The following PDZD4 variants were observed in gnomAD, a reference collection of about 807,000 sequenced individuals.
PDZD4 encodes the protein PDZ domain containing 4, also known as PDZ domain-containing protein 4.
Under a neutral mutation model 38.5 loss-of-function variants are expected in PDZD4, and 9 were observed. The observed-to-expected ratio is 0.23, with a 90% confidence interval of 0.14 to 0.41. The LOEUF (loss-of-function observed/expected upper bound fraction) is 0.41, where lower values mean the gene tolerates loss of function less well. Among genes scored for constraint, PDZD4 ranks in the 10% least tolerant of loss-of-function variants. PDZD4 has a pLI of 1.00. For missense variants in PDZD4, 612 were observed against 722.0 expected, an observed-to-expected ratio of 0.85 and a Z score of 1.75; for synonymous variants, 349 against 315.7, an observed-to-expected ratio of 1.11 and a Z score of -1.12.
rs1167788921 is a variant in PDZD4, at chrX:153,805,202, C to T, written c.675G>A (p.Ala225=). Residue 225 remains alanine, a synonymous_variant, in exon 7 of 8, where the codon GCG becomes GCA. Transcript: ENST00000393758. The part of the protein sequence containing the change: ...LLVARPESQL[A]KRWKDSDRDD... ...CCCGGTCGCTGTCCTTCCACCTTTT[C>T]GCCAGCTGTGGAGACAGGCCCTGGT... 17 of 1,207,333 alleles carry T rather than the reference C, an allele frequency of 1.4e-5. No homozygotes were observed. The highest frequency in any genetic ancestry group is 8.9e-5 in the East Asian group (3 of 33,762).
chrX:153,803,993 T>G lies in PDZD4; in HGVS notation c.1688A>C (p.Glu563Ala), dbSNP rs1557075690. The change falls in exon 8 of 8, where the codon GAG becomes GCG. Residue 563 changes from glutamate to alanine, a missense_variant. Coordinates refer to ENST00000393758, the MANE Select transcript of PDZD4 (RefSeq NM_001303512.2). Reference protein sequence around the residue: ...RRNPKTGLTLERVGPESSPYL... With the variant: ...RRNPKTGLTLARVGPESSPYL... ...AGGGCTGCTTTCAGGGCCCACACGC[T>G]CCAGGGTCAACCCCGTCTTGGGGTT... The G allele has an allele frequency of 8.6e-7, 1 of 1,159,977 alleles. No homozygotes were observed.
intron 1 of PDZD4, among the ~76,000 whole-genome samples, chrX:153,829,124 G>T (rs1330732539): frequency 9.0e-6 from 1 of 111,253 alleles, no homozygotes; most frequent in Non-Finnish European, 1.9e-5. Flanking sequence ...CCCGCACCAG[G>T]TGGCCAGAGG....
intron 1 of PDZD4, among the ~76,000 whole-genome samples, chrX:153,819,849 G>T (rs782214505): frequency 1.8e-5 from 2 of 111,726 alleles, no homozygotes; most frequent in Non-Finnish European, 3.8e-5. Flanking sequence ...CCGCCCACAA[G>T]CATGTGGGAA....
At chrX:153,817,282 C>T (rs955235500) in intron 1 of PDZD4, among the ~76,000 whole-genome samples, 2 of 112,186 alleles carry the variant, frequency 1.8e-5, no homozygotes, top group Non-Finnish European at 3.8e-5. Context: ...CAAATGCTCA[C>T]AGCAGAGTAT....
Position 153,805,542 on chromosome X carries a change from G to T in PDZD4, c.632C>A (p.Thr211Asn). Residue 211 changes from threonine (T) to asparagine (N), a missense_variant, in exon 6 of 8, where the codon ACC becomes AAC. Coordinates refer to ENST00000393758, the MANE Select transcript of PDZD4 (RefSeq NM_001303512.2). ...TCGGGCCACCAGCAGGGAGATGTTG[G>T]TGTTCTCTTCCTGGCTCAGGATGGC... ...AVAILSQEEN[T>N]NISLLVARPE... The T allele has an allele frequency of 8.3e-7, 1 of 1,210,982 alleles. No individual in the cohort carries two copies. The highest frequency in any genetic ancestry group is 1.7e-5 in the African/African-American group (1 of 58,002).
intron 1 of PDZD4, among the ~76,000 whole-genome samples, chrX:153,817,995 C>T (rs2064379645): frequency 8.9e-6 from 1 of 112,457 alleles, no homozygotes; most frequent in South Asian, 3.7e-4. Flanking sequence ...CCTGTAGTCC[C>T]AGCACTTTGG....
Position 153,805,211 on chromosome X carries a change from T to C in PDZD4, c.670-4A>G, listed in dbSNP as rs1037048813. ...TGTCCTTCCACCTTTTCGCCAGCTG[T>C]GGAGACAGGCCCTGGTGTCCCCACA... is the stretch of plus-strand genomic sequence containing the variant. On this transcript the variant is annotated splice_region_variant and splice_polypyrimidine_tract_variant and intron_variant, in intron 6 of 7. Transcript: ENST00000393758. 3 of 1,197,968 alleles carry C rather than the reference T, an allele frequency of 2.5e-6. No individual in the cohort carries two copies. Among genetic ancestry groups the C allele is most frequent in the South Asian group, 1.8e-5 (1 of 56,646 alleles).
intron 2 of PDZD4, chrX:153,808,112 T>A: frequency 9.3e-7 from 1 of 1,070,221 alleles, no homozygotes; most frequent in African/African-American, 1.9e-5. Context: ...GGCAGCGACG[T>A]CCCGGACAGG....
intron 6 of PDZD4, 139 bp downstream of exon 6, chrX:153,805,366 G>A (rs965611790): frequency 1.2e-5 from 8 of 663,418 alleles, no homozygotes; most frequent in East Asian, 3.5e-5. Context: ...GAGGGGAAAC[G>A]GGCCCTGAGA....
intron 1 of PDZD4, among the ~76,000 whole-genome samples, chrX:153,828,460 T>C (rs1376621177): frequency 8.9e-6 from 1 of 112,841 alleles, no homozygotes; most frequent in East Asian, 2.8e-4. Context: ...GCCCTCCTCC[T>C]GGCGGGTCTC....
intron 1 of PDZD4, among the ~76,000 whole-genome samples, chrX:153,828,264 C>T (rs782137348): frequency 1.8e-4 from 20 of 112,707 alleles, no homozygotes; most frequent in Non-Finnish European, 3.4e-4. Context: ...ATGGCTTGCA[C>T]TGCTTTCCGT....
rs376042669 is a variant in PDZD4, at chrX:153,803,410, C to T, written c.2271G>A (p.Ala757=). 601 of 1,143,604 alleles carry T rather than the reference C, an allele frequency of 5.3e-4. No homozygotes were observed. The highest frequency in any genetic ancestry group is 6.8e-4 in the Non-Finnish European group (585 of 864,343). 94.2% of individuals were successfully genotyped at this position (1,143,604 alleles called of 1,213,427 possible). ...AGACCCGCTTGCCATCGGCGGAGCG[C>T]GCGCCGTGGGCCAGCATCTCCTGGA... is the stretch of plus-strand genomic sequence containing the variant. ...ITIQEMLAHG[A]RSADGKRVYN... The change falls in exon 8 of 8, where the codon GCG becomes GCA. Residue 757 remains alanine, a synonymous_variant. Coordinates refer to ENST00000393758, the MANE Select transcript of PDZD4 (RefSeq NM_001303512.2).
chrX:153,819,029 G>T (rs2064392052), intron 1 of PDZD4, among the ~76,000 whole-genome samples: 1 of 112,630 alleles, frequency 8.9e-6, no homozygotes, highest in South Asian at 3.6e-4. Flanking sequence ...GGGAAGCGGG[G>T]CGCCCTAGGC....
Position 153,809,774 on chromosome X carries a change from C to A in PDZD4, c.61-1179G>T, listed in dbSNP as rs1557078344. 2.7e-5 allele frequency among the ~76,000 whole-genome samples: 3 copies of A among 112,909 alleles called. No individual in the cohort carries two copies. In the East Asian group the frequency reaches 8.4e-4, roughly 32 times the overall value. Reference sequence around the variant, plus strand: ...TGTGGCACTGAGTCAAGGTCATGAGCCAGGACAGGCTGCCCGGTGGCCAGA... The same window carrying A: ...TGTGGCACTGAGTCAAGGTCATGAGACAGGACAGGCTGCCCGGTGGCCAGA... On this transcript the variant is annotated intron_variant, in intron 1 of 7. Transcript: ENST00000393758.
At chrX:153,805,471 C>T (rs782316198) in intron 6 of PDZD4, 34 bp downstream of exon 6, 3 of 1,075,503 alleles carry the variant, frequency 2.8e-6, no homozygotes, top group South Asian at 1.8e-5. Flanking sequence ...AGCCTGATGT[C>T]GTGGCCCCGG....
At chrX:153,809,407 G>A (rs1426015442) in intron 1 of PDZD4, among the ~76,000 whole-genome samples, 1 of 112,270 alleles carries the variant, frequency 8.9e-6, no homozygotes, top group Non-Finnish European at 1.9e-5. Context: ...TAAACACAGT[G>A]AAACCCCATC....
intron 1 of PDZD4, among the ~76,000 whole-genome samples, chrX:153,822,963 A>G (rs1447068307): frequency 8.9e-6 from 1 of 111,925 alleles, no homozygotes; most frequent in Non-Finnish European, 1.9e-5. Context: ...AATTCTCAGA[A>G]TAATATTGGA....
chrX:153,805,110 G>T lies in PDZD4; in HGVS notation c.767C>A (p.Pro256His). 8.3e-7 allele frequency: 1 copy of T among 1,210,708 alleles called. No individual in the cohort carries two copies. Among genetic ancestry groups the T allele is most frequent in the South Asian group, 1.8e-5 (1 of 56,967 alleles). Residue 256 changes from proline to histidine, a missense_variant, in exon 7 of 8, where the codon CCC becomes CAC. Transcript: ENST00000393758. ...TTCCTTCCTCACCTGCTGGGCAGGG[G>T]GTGATTTCAGTTTACGAGCACGCAG... Reference protein sequence around the residue: ...GELRARKLKSPPAQQPGNEEE... With the variant: ...GELRARKLKSHPAQQPGNEEE...
rs1557075208 is a variant in PDZD4, at chrX:153,803,316, G to C, written c.*37C>G. 2.7e-6 allele frequency: 3 copies of C among 1,096,804 alleles called. No homozygotes were observed. The highest frequency in any genetic ancestry group is 3.6e-6 in the Non-Finnish European group (3 of 840,054). The allele number at this position is 1,096,804 out of a possible 1,213,427, so 90.4% of individuals were successfully genotyped here. ...AGAGTGAGGGCCGGGGCCCCAGGGG[G>C]TTCCCTGGGCCTGGGCCGTGTACCC... On this transcript the variant is annotated 3_prime_UTR_variant, in exon 8 of 8. Transcript: ENST00000393758.
Sources: allele counts gnomAD v4.1 joint callset (sites outside exome capture counted in the v4.1 genomes callset), GRCh38; gene constraint gnomAD v4.1.1; transcripts MANE v1.5; gene names NCBI Gene and HGNC (gene_info 2026-07-23, HGNC 2026-07-21).